The following PDE1B variants were observed in gnomAD, a reference collection of about 807,000 sequenced individuals.
PDE1B encodes the protein phosphodiesterase 1B.
In PDE1B, 13 loss-of-function variants were observed where a neutral mutation model predicts 66.7. The observed-to-expected ratio is 0.19, with a 90% CI of 0.13 to 0.31. The LOEUF (loss-of-function observed/expected upper bound fraction) is 0.31, where lower values mean the gene tolerates loss of function less well. PDE1B is among the 10% of genes least tolerant of loss of function. The pLI is 1.00. For synonymous variants in PDE1B, 230 were observed against 253.9 expected, an observed-to-expected ratio of 0.91 and a Z score of 0.90; for missense variants, 485 against 682.3, an observed-to-expected ratio of 0.71 and a Z score of 3.22.
intron 10 of PDE1B, chr12:54,574,241 CTGTG>C (rs113679735): frequency 4.0e-5 from 6 of 150,816 alleles, no homozygotes; most frequent in East Asian, 1.9e-4. Context: ...TGAGAGTGGA[CTGTG>C]TGTGTGTGTG....
chr12:54,555,565 C>A (rs1211867700), intron 2 of PDE1B, among the ~76,000 whole-genome samples: 4 of 152,142 alleles, frequency 2.6e-5, no homozygotes, highest in Non-Finnish European at 5.9e-5. Context: ...TTCCTGAAAT[C>A]AAAGGAATGG....
chr12:54,558,135 C>T (rs1957364383), intron 2 of PDE1B, among the ~76,000 whole-genome samples: 1 of 152,136 alleles, frequency 6.6e-6, no homozygotes, highest in Non-Finnish European at 1.5e-5. Context: ...AAGGCACAGG[C>T]ACAGGAGGAG....
At position 54,575,602 on chromosome 12, in the gene PDE1B, A is replaced by C; in HGVS notation, c.1237A>C (p.Thr413Pro). The C allele has an allele frequency of 6.2e-7, 1 of 1,612,942 alleles. No individual in the cohort carries two copies. Among genetic ancestry groups the C allele is most frequent in the Non-Finnish European group, 8.5e-7 (1 of 1,179,420 alleles). ...GLPFSPLCDR[T>P]STLVAQSQIG... Reference sequence around the variant, plus strand: ...GCCCTTTTCTCCACTCTGTGACCGCACTTCCACTCTAGTGGCACAGTCTCA... The same window carrying C: ...GCCCTTTTCTCCACTCTGTGACCGCCCTTCCACTCTAGTGGCACAGTCTCA... The change falls in exon 12 of 16, where the codon ACT becomes CCT. Residue 413 changes from threonine (T) to proline (P), a missense_variant. By Grantham distance (38) the Thr-to-Pro change is conservative. Coordinates refer to ENST00000243052, the MANE Select transcript of PDE1B (RefSeq NM_000924.4). This position sits in a 1 kb window ranked among gnomAD's most constrained non-coding sequence, Gnocchi z 4.0.
At chr12:54,563,500 AT>A (rs1293871933) in intron 2 of PDE1B, among the ~76,000 whole-genome samples, 1 of 152,134 alleles carries the variant, frequency 6.6e-6, no homozygotes, top group Non-Finnish European at 1.5e-5. Flanking sequence ...TCTTTCTCCC[AT>A]TTCCTCTGTT....
At chr12:54,550,012 GA>G in intron 2 of PDE1B, 27 bp downstream of exon 2, 1 of 1,611,386 alleles carries the variant, frequency 6.2e-7, no homozygotes, top group Non-Finnish European at 8.5e-7. Flanking sequence ...GGAATGGGGG[GA>G]AGGGACCTTA....
rs572591215 is a variant in PDE1B, at chr12:54,566,705, C to T, written c.114-269C>T. On this transcript the variant is annotated intron_variant, in intron 2 of 15. Coordinates refer to ENST00000243052, the MANE Select transcript of PDE1B (RefSeq NM_000924.4). Reference sequence around the variant, plus strand: ...ACAAGACTAAGCACTGACTAAAGAGCGGGTTTCGAGAAGTCAGATGGTGGT... The same window carrying T: ...ACAAGACTAAGCACTGACTAAAGAGTGGGTTTCGAGAAGTCAGATGGTGGT... Among the ~76,000 whole-genome samples the T allele has an allele frequency of 1.3e-4, 20 of 152,218 alleles. No homozygotes were observed. The South Asian group carries it at 3.5e-3, about 27-fold the overall frequency.
intron 6 of PDE1B, chr12:54,572,392 A>C (rs1471362285): frequency 1.6e-6 from 1 of 614,272 alleles, no homozygotes; most frequent in Admixed American, 2.4e-5. Context: ...GCAATTAAGT[A>C]TCTGAGGCAC....
intron 2 of PDE1B, among the ~76,000 whole-genome samples, chr12:54,560,665 G>A (rs937028225): frequency 6.6e-6 from 1 of 152,204 alleles, no homozygotes; most frequent in Non-Finnish European, 1.5e-5. Context: ...CAACCTTGGC[G>A]AAAGCAAAGT....
intron 2 of PDE1B, among the ~76,000 whole-genome samples, chr12:54,560,012 G>A (rs1179363902): frequency 2.0e-5 from 3 of 152,322 alleles, no homozygotes; most frequent in East Asian, 3.9e-4. Flanking sequence ...TCAGCTTGTG[G>A]TCATTGTGGG....
At chr12:54,552,023 A>G in intron 2 of PDE1B, among the ~76,000 whole-genome samples, 1 of 152,224 alleles carries the variant, frequency 6.6e-6, no homozygotes, top group Non-Finnish European at 1.5e-5. Flanking sequence ...AAAAAGTACA[A>G]TCTCCGGATT....
rs1297707268 is a variant in PDE1B at position 54,573,868 on chromosome 12, AGAGTGTGTGTGT to A, written c.1064+161_1064+172del. ...CTGCATCTCTATGTGAGAGAGAGAG[AGAGTGTGTGTGT>A]GTGTGTGTGTGTGTGTGTGTGTGTG... On this transcript the variant is annotated intron_variant, in intron 10 of 15. Coordinates refer to ENST00000243052, the MANE Select transcript of PDE1B (RefSeq NM_000924.4). This position sits in a 1 kb window ranked among gnomAD's most constrained non-coding sequence, Gnocchi z 5.2. 4.5e-5 allele frequency: 24 copies of A among 533,864 alleles called. No individual in the cohort carries two copies. The highest frequency in any genetic ancestry group is 6.7e-5 in the Non-Finnish European group (20 of 298,972). The allele number at this position is 533,864 out of a possible 1,614,324, so 33.1% of individuals were successfully genotyped here. A position where few individuals can be genotyped will look rare whatever the true frequency, so the allele number is the denominator to read the frequency against.
Position 54,573,561 on chromosome 12 carries a change from C to T in PDE1B, c.963-47C>T, listed in dbSNP as rs1326028942. The stretch of plus-strand genomic sequence containing the variant: ...TTTTCCACTTCCTGGACCTCCTGCC[C>T]AGCAGCGCTGAGGGGACTGATTGCT... On this transcript the variant is annotated intron_variant, in intron 9 of 15. Coordinates refer to ENST00000243052, the MANE Select transcript of PDE1B (RefSeq NM_000924.4). This position sits in a 1 kb window ranked among gnomAD's most constrained non-coding sequence, Gnocchi z 5.2. The T allele has an allele frequency of 1.9e-6, 3 of 1,610,792 alleles. No homozygotes were observed. Among genetic ancestry groups the T allele is most frequent in the Non-Finnish European group, 2.5e-6 (3 of 1,176,994 alleles).
intron 2 of PDE1B, among the ~76,000 whole-genome samples, chr12:54,554,886 G>A (rs1385024373): frequency 1.3e-5 from 2 of 152,330 alleles, no homozygotes; most frequent in East Asian, 3.9e-4. Flanking sequence ...GGGAGAGCTT[G>A]CTTTGTGAAG....
At chr12:54,550,764 T>G (rs970788301) in intron 2 of PDE1B, among the ~76,000 whole-genome samples, 2 of 152,178 alleles carry the variant, frequency 1.3e-5, no homozygotes, top group African/African-American at 4.8e-5. Context: ...CTTTTCCTAT[T>G]GTTGCAGTAC....
intron 2 of PDE1B, among the ~76,000 whole-genome samples, chr12:54,558,251 C>G (rs556656492): frequency 6.6e-6 from 1 of 152,094 alleles, no homozygotes; most frequent in Admixed American, 6.5e-5. Flanking sequence ...TACCTCCTAC[C>G]CCTTTTCCTC....
chr12:54,573,014 C>T lies in PDE1B; in HGVS notation c.736-134C>T. On this transcript the variant is annotated intron_variant, in intron 7 of 15. Coordinates refer to ENST00000243052, the MANE Select transcript of PDE1B (RefSeq NM_000924.4). This position sits in a 1 kb window ranked among gnomAD's most constrained non-coding sequence, Gnocchi z 5.2. ...TTGGCCATTTCAGGAGCTGAGAAAC[C>T]TGGCTGCATTAACCAAGAGCTGGCC... The T allele has an allele frequency of 2.7e-6, 2 of 730,718 alleles. No individual in the cohort carries two copies. The allele number at this position is 730,718 out of a possible 1,614,324, so 45.3% of individuals were successfully genotyped here. A position where few individuals can be genotyped will look rare whatever the true frequency, so the allele number is the denominator to read the frequency against.
intron 13 of PDE1B, chr12:54,576,343 C>T: frequency 1.6e-6 from 1 of 614,920 alleles, no homozygotes; most frequent in Non-Finnish European, 2.8e-6. Flanking sequence ...TGCCTTCTGG[C>T]TAATCTTGTT....
intron 2 of PDE1B, among the ~76,000 whole-genome samples, chr12:54,552,215 G>C (rs1442692846): frequency 6.6e-6 from 1 of 152,184 alleles, no homozygotes; most frequent in East Asian, 1.9e-4. Context: ...TGCTGGGTAA[G>C]AGGTGGGAGT....
In PDE1B at chr12:54,575,651, A is replaced by G; in HGVS notation, c.1267+19A>G. 1 of 1,524,846 alleles carries G rather than the reference A, an allele frequency of 6.6e-7. No homozygotes were observed. The highest frequency in any genetic ancestry group is 2.2e-5 in the East Asian group (1 of 44,488). 94.5% of individuals were successfully genotyped at this position (1,524,846 alleles called of 1,614,324 possible). ...CAGATAGGTGAGTGTCCTCTCCTGC[A>G]GGAAGGGGAGGACTGGGAGGGGGAA... On this transcript the variant is annotated intron_variant, in intron 12 of 15. Coordinates refer to ENST00000243052, the MANE Select transcript of PDE1B (RefSeq NM_000924.4). This position sits in a 1 kb window ranked among gnomAD's most constrained non-coding sequence, Gnocchi z 4.0.
Sources: allele counts gnomAD v4.1 joint callset (sites outside exome capture counted in the v4.1 genomes callset), GRCh38; gene constraint gnomAD v4.1.1; non-coding constraint Gnocchi (gnomAD v3.1); transcripts MANE v1.5; gene names NCBI Gene and HGNC (gene_info 2026-07-23, HGNC 2026-07-21).